ADGRL2: variants seen among roughly 807,000 people sequenced by gnomAD.
The protein encoded by ADGRL2 is calcium-independent alpha-latrotoxin receptor 2.
In ADGRL2, 44 loss-of-function variants were observed where a neutral mutation model predicts 157.4. The ratio of observed to expected loss-of-function variants is 0.28; its 90% CI spans 0.22 to 0.36. The LOEUF (loss-of-function observed/expected upper bound fraction) is 0.36, where lower values mean the gene tolerates loss of function less well. Among genes scored for constraint, ADGRL2 ranks in the 10% least tolerant of loss-of-function variants. The pLI, the probability that ADGRL2 is intolerant of heterozygous loss-of-function variation, is 1.00. For missense variants in ADGRL2, 1,510 were observed against 1,768.9 expected (o/e 0.85, Z 2.63); for synonymous variants, 585 against 624.7 (o/e 0.94, Z 0.95).
At chr1:81,757,783 T>G (rs2085741026) in intron 1 of ADGRL2, among the ~76,000 whole-genome samples, 1 of 152,138 alleles carries the variant, frequency 6.6e-6, no homozygotes, top group African/African-American at 2.4e-5. Flanking sequence ...GCTCTTTAGG[T>G]AGAAACAGAT....
chr1:81,359,341 C>T (rs923100677), intron 1 of ADGRL2, among the ~76,000 whole-genome samples: 8 of 152,112 alleles, frequency 5.3e-5, no homozygotes, highest in Non-Finnish European at 1.2e-4. Context: ...ATAAGACAGA[C>T]TGCTGTCCAT....
chr1:81,887,258 A>C (rs1193257299), intron 2 of ADGRL2, among the ~76,000 whole-genome samples: 1 of 152,232 alleles, frequency 6.6e-6, no homozygotes, highest in African/African-American at 2.4e-5. Context: ...TAGTTTGATC[A>C]GTGTCTTTCT....
chr1:81,842,506 T>C (rs1360701418), intron 2 of ADGRL2, among the ~76,000 whole-genome samples: 1 of 151,572 alleles, frequency 6.6e-6, no homozygotes, highest in Non-Finnish European at 1.5e-5. Flanking sequence ...TACAGGCACC[T>C]GCCACCATGC....
At chr1:81,975,644 G>A (rs146889185) in intron 17 of ADGRL2, among the ~76,000 whole-genome samples, 242 of 152,060 alleles carry the variant, frequency 1.6e-3, no homozygotes, top group African/African-American at 5.7e-3. Flanking sequence ...TATAATTGGT[G>A]GGGGCGGGGG....
intron 1 of ADGRL2, among the ~76,000 whole-genome samples, chr1:81,335,161 A>G (rs1661546302): frequency 6.6e-6 from 1 of 152,214 alleles, no homozygotes; most frequent in Non-Finnish European, 1.5e-5. Context: ...CTTATGAATC[A>G]TCTTATAATA....
intron 1 of ADGRL2, among the ~76,000 whole-genome samples, chr1:81,829,149 C>T (rs528208101): frequency 3.1e-4 from 47 of 152,128 alleles, no homozygotes; most frequent in South Asian, 8.3e-4. Flanking sequence ...TGACCTCAGG[C>T]AATCCACCTG....
At chr1:81,858,781 A>T (rs981200959) in intron 2 of ADGRL2, among the ~76,000 whole-genome samples, 12 of 152,166 alleles carry the variant, frequency 7.9e-5, no homozygotes, top group African/African-American at 2.7e-4. Context: ...AAAGACACCA[A>T]AATGTAGACA....
At chr1:81,969,451 A>T in intron 15 of ADGRL2, 64 bp downstream of exon 15, 1 of 1,022,566 alleles carries the variant, frequency 9.8e-7, no homozygotes, top group Non-Finnish European at 1.5e-6. Flanking sequence ...GTGTGAGGTG[A>T]CATATGATAC....
rs1203152463 is a variant in ADGRL2, at chr1:81,954,025, GT to G, written c.1833+1005del. Among the ~76,000 whole-genome samples the G allele has an allele frequency of 6.6e-5, 10 of 152,222 alleles. No individual in the cohort carries two copies. The East Asian group carries it at 9.7e-4, about 15-fold the overall frequency. The stretch of plus-strand genomic sequence containing the variant: ...ACAAGAAAAGGTAGTAGGAAAGTCT[GT>G]TTTTAGGTAATAATGGTCTGAAAGT... On this transcript the variant is annotated intron_variant, in intron 10 of 23. Transcript: ENST00000686636.
chr1:81,412,126 C>T (rs550942245), intron 1 of ADGRL2, among the ~76,000 whole-genome samples: 74 of 152,200 alleles, frequency 4.9e-4, no homozygotes, highest in African/African-American at 1.8e-3. Context: ...CAGTTACTAT[C>T]CCCGGTTGAA....
At position 81,903,715 on chromosome 1, in the gene ADGRL2, T is replaced by TTATATA. The variant is rs201399955; in HGVS notation, c.74-3293_74-3288dup. Among the ~76,000 whole-genome samples the TTATATA allele has an allele frequency of 1.6e-3, 233 of 145,162 alleles. 1 individual carries two copies. The highest frequency in any genetic ancestry group is 5.5e-3 in the African/African-American group (218 of 39,768). On this transcript the variant is annotated intron_variant, in intron 2 of 23. Transcript: ENST00000686636. ...TTTTTAAAGAATATATATATATTCATTATATATATATATACATTATATATA... is the reference window on the plus strand; with the variant it reads ...TTTTTAAAGAATATATATATATTCATTATATATATATATATATATACATTATATATA...
At chr1:81,931,739 C>G (rs905289920) in intron 3 of ADGRL2, among the ~76,000 whole-genome samples, 13 of 152,038 alleles carry the variant, frequency 8.6e-5, no homozygotes, top group Non-Finnish European at 1.3e-4. Context: ...GTGCCATCCT[C>G]CCACCTCAGT....
intron 1 of ADGRL2, among the ~76,000 whole-genome samples, chr1:81,399,076 C>A (rs1268317935): frequency 6.6e-6 from 1 of 152,116 alleles, no homozygotes; most frequent in Non-Finnish European, 1.5e-5. Flanking sequence ...AGGAAACTTA[C>A]AATCATGGTG....
intron 3 of ADGRL2, among the ~76,000 whole-genome samples, chr1:81,608,386 G>A (rs981480790): frequency 6.6e-6 from 1 of 152,102 alleles, no homozygotes; most frequent in African/African-American, 2.4e-5. Flanking sequence ...GAAAGCACAG[G>A]TATTTTCTTT....
chr1:81,874,761 A>T, intron 2 of ADGRL2, among the ~76,000 whole-genome samples: 1 of 151,566 alleles, frequency 6.6e-6, no homozygotes, highest in South Asian at 2.1e-4. Flanking sequence ...GCTAGAGTAC[A>T]GTGGCACCAT....
chr1:81,904,459 G>A (rs1259534627), intron 2 of ADGRL2, among the ~76,000 whole-genome samples: 1 of 152,158 alleles, frequency 6.6e-6, no homozygotes, highest in Non-Finnish European at 1.5e-5. Flanking sequence ...AAAGAAAAGA[G>A]TTTTATTTAG....
intron 1 of ADGRL2, among the ~76,000 whole-genome samples, chr1:81,332,584 T>C (rs11163252): frequency 0.12 from 18,822 of 152,186 alleles, 1,730 homozygotes; most frequent in African/African-American, 0.26. Context: ...GATGTTCTTG[T>C]TTGCCATTAC....
At chr1:81,851,528 C>T (rs990736393) in intron 2 of ADGRL2, among the ~76,000 whole-genome samples, 1 of 151,754 alleles carries the variant, frequency 6.6e-6, no homozygotes, top group African/African-American at 2.4e-5. Context: ...ATTTTATCTT[C>T]ATAATGGGTA....
chr1:81,689,414 C>G (rs2083289372), intron 3 of ADGRL2, among the ~76,000 whole-genome samples: 1 of 152,182 alleles, frequency 6.6e-6, no homozygotes, highest in African/African-American at 2.4e-5. Context: ...CTCAGTCTCT[C>G]TCCTTAAGAA....
Sources: gnomAD v4.1 joint callset for allele counts (sites outside exome capture counted in the v4.1 genomes callset) on GRCh38, gnomAD v4.1.1 for gene constraint, MANE v1.5 for transcripts, NCBI Gene and HGNC (gene_info 2026-07-23, HGNC 2026-07-21) for gene names.